Variants in GNAL observed in about 807,000 individuals in gnomAD.
GNAL encodes the protein G protein subunit alpha L.
GNAL carries 18 observed loss-of-function variants against 55.1 expected under a neutral mutation model. The ratio of observed to expected loss-of-function variants is 0.33; its 90% CI spans 0.23 to 0.48. The LOEUF is 0.48. Ranked by LOEUF, GNAL falls within the 20% of genes least tolerant of loss-of-function variation. The probability of loss-of-function intolerance (pLI) is 0.99; values close to 1 mark genes in which losing one functional copy is unlikely to be tolerated. For synonymous variants in GNAL, 253 were observed against 237.0 expected, an observed-to-expected ratio of 1.07 and a Z score of -0.62; for missense variants, 412 against 614.1, an observed-to-expected ratio of 0.67 and a Z score of 3.48.
rs2033096502 is a variant in GNAL at position 11,757,454 on chromosome 18, GACTAGTCT to G, written c.624+3511_624+3518del. On this transcript the variant is annotated intron_variant, in intron 4 of 11. Transcript: ENST00000334049. ...GTTGAAGGAGGGCAACCACTTCGGA[GACTAGTCT>G]AATAATACAGTGGAAAGGTAATGGG... Among the ~76,000 whole-genome samples, 4 of 152,190 alleles carry G rather than the reference GACTAGTCT, an allele frequency of 2.6e-5. No individual in the cohort carries two copies. The South Asian group carries it at 8.3e-4, about 31-fold the overall frequency.
chr18:11,838,554 C>A (rs2035546187), intron 5 of GNAL, among the ~76,000 whole-genome samples: 1 of 152,132 alleles, frequency 6.6e-6, no homozygotes, highest in Non-Finnish European at 1.5e-5. Context: ...TTGCAACTGG[C>A]TTGTGAGAGC....
chr18:11,729,799 A>G (rs1447016651), intron 1 of GNAL, among the ~76,000 whole-genome samples: 1 of 152,178 alleles, frequency 6.6e-6, no homozygotes, highest in East Asian at 1.9e-4. Context: ...CAGAAAACAC[A>G]AACCCAGGAA....
At chr18:11,834,640 C>G (rs1369419092) in intron 5 of GNAL, among the ~76,000 whole-genome samples, 1 of 152,096 alleles carries the variant, frequency 6.6e-6, no homozygotes, top group African/African-American at 2.4e-5. Context: ...ATTGCTGGAG[C>G]CTTGGAGTTT....
intron 4 of GNAL, among the ~76,000 whole-genome samples, chr18:11,821,809 G>T (rs1445867421): frequency 6.6e-6 from 1 of 152,170 alleles, no homozygotes; most frequent in East Asian, 1.9e-4. Context: ...CCCAGTAAAT[G>T]CTTCAGAGCT....
intron 10 of GNAL, chr18:11,874,169 G>C (rs1282365532): frequency 7.9e-5 from 12 of 152,290 alleles, no homozygotes. Context: ...TCGGTGCCAG[G>C]CCCAGTGACT....
At position 11,766,388 on chromosome 18, in the gene GNAL, A is replaced by G. The variant is rs1419343458; in HGVS notation, c.624+12443A>G. On this transcript the variant is annotated intron_variant, in intron 4 of 11. Coordinates refer to ENST00000334049, the MANE Select transcript of GNAL (RefSeq NM_182978.4). ...AATTCCATTTTTAATTTGTGTTTGT[A>G]TTTGTTTGGATAGGAAATATTTGTG... Among the ~76,000 whole-genome samples the G allele has an allele frequency of 3.3e-5, 5 of 152,256 alleles. No individual in the cohort carries two copies. The East Asian group carries it at 9.6e-4, about 29-fold the overall frequency.
In GNAL at chr18:11,857,979, C is replaced by CA. The variant is rs546217472; in HGVS notation, c.723-4410dup. The stretch of plus-strand genomic sequence containing the variant: ...TCCAATTGCTATATGTTTTCACACA[C>CA]AAAAAATTTTAAATACATGGAAATT... On this transcript the variant is annotated intron_variant, in intron 5 of 11. Coordinates refer to ENST00000334049, the MANE Select transcript of GNAL (RefSeq NM_182978.4). Among the ~76,000 whole-genome samples, 10 of 152,280 alleles carry CA rather than the reference C, an allele frequency of 6.6e-5. 1 individual carries two copies. The South Asian group carries it at 2.1e-3, about 32-fold the overall frequency.
chr18:11,799,456 A>C (rs1208399859), intron 4 of GNAL, among the ~76,000 whole-genome samples: 3 of 152,230 alleles, frequency 2.0e-5, no homozygotes, highest in Non-Finnish European at 2.9e-5. Context: ...ACAGGGGTAT[A>C]ATAGGGTCAC....
chr18:11,689,308 A>G lies in GNAL; in HGVS notation c.-256A>G, dbSNP rs984382417. Reference sequence around the variant, plus strand: ...GGCGTTAGCAAGTGATCTCCAGCCAAGGCGGCCGCCACCCCTTGCACACAG... The same window carrying G: ...GGCGTTAGCAAGTGATCTCCAGCCAGGGCGGCCGCCACCCCTTGCACACAG... On this transcript the variant is annotated 5_prime_UTR_variant, in exon 1 of 12. Coordinates refer to ENST00000334049, the MANE Select transcript of GNAL (RefSeq NM_182978.4). The G allele has an allele frequency of 6.8e-5, 21 of 310,756 alleles. No homozygotes were observed. Among genetic ancestry groups the G allele is most frequent in the Non-Finnish European group, 1.1e-4 (19 of 169,786 alleles). The allele number at this position is 310,756 out of a possible 1,614,324, so 19.2% of individuals were successfully genotyped here. A position where few individuals can be genotyped will look rare whatever the true frequency, so the allele number is the denominator to read the frequency against.
intron 10 of GNAL, 141 bp from the exon 11 acceptor site, chr18:11,876,480 T>C (rs2036535542): frequency 1.6e-5 from 10 of 640,080 alleles, no homozygotes; most frequent in South Asian, 9.3e-5. Flanking sequence ...AAAAAGTACA[T>C]GTTTGTTTTT....
At chr18:11,792,090 A>C (rs2034253886) in intron 4 of GNAL, among the ~76,000 whole-genome samples, 1 of 152,004 alleles carries the variant, frequency 6.6e-6, no homozygotes, top group South Asian at 2.1e-4. Context: ...CTTTTTGGCC[A>C]CTTCCTGTGG....
rs2031509788 is a variant in GNAL at position 11,699,564 on chromosome 18, G to T, written c.376+9625G>T. 2.0e-5 allele frequency among the ~76,000 whole-genome samples: 3 copies of T among 151,662 alleles called. No homozygotes were observed. In the South Asian group the frequency reaches 6.3e-4, roughly 32 times the overall value. ...TTGTTGGGTTTTTTTTTTGAGGGGG[G>T]GGGTTGGCTTTAAGCTGAAACCAAC... On this transcript the variant is annotated intron_variant, in intron 1 of 11. Coordinates refer to ENST00000334049, the MANE Select transcript of GNAL (RefSeq NM_182978.4).
chr18:11,861,247 C>G (rs920341168), intron 5 of GNAL, among the ~76,000 whole-genome samples: 5 of 152,170 alleles, frequency 3.3e-5, no homozygotes, highest in African/African-American at 4.8e-5. Context: ...CCCCCCGACC[C>G]CTCCCTCCTG....
intron 5 of GNAL, among the ~76,000 whole-genome samples, chr18:11,838,149 C>T (rs1197715107): frequency 2.0e-5 from 3 of 152,084 alleles, no homozygotes; most frequent in Admixed American, 6.6e-5. Context: ...GCGTTAACGA[C>T]CCAAATGCCC....
intron 9 of GNAL, among the ~76,000 whole-genome samples, 190 bp from the exon 10 acceptor site, chr18:11,872,078 C>T (rs563135825): frequency 3.3e-5 from 5 of 152,304 alleles, no homozygotes; most frequent in African/African-American, 1.2e-4. Context: ...ATTAGGGATG[C>T]TCAACCTGTA....
chr18:11,883,510 G>A lies in GNAL; in HGVS notation c.*2375G>A, dbSNP rs1366299607. The A allele has an allele frequency of 6.5e-6, 1 of 153,484 alleles. No individual in the cohort carries two copies. The highest frequency in any genetic ancestry group is 6.6e-5 in the Admixed American group (1 of 15,264). 9.5% of individuals were successfully genotyped at this position (153,484 alleles called of 1,614,324 possible). On this transcript the variant is annotated 3_prime_UTR_variant, in exon 12 of 12. Coordinates refer to ENST00000334049, the MANE Select transcript of GNAL (RefSeq NM_182978.4). ...CAATTATTAAAGCATTTATTTTCAG[G>A]TACCAAAAGCCATATCCCATTCCAC... is the stretch of plus-strand genomic sequence containing the variant.
intron 1 of GNAL, among the ~76,000 whole-genome samples, chr18:11,721,653 G>A (rs1462686784): frequency 2.0e-5 from 3 of 152,072 alleles, no homozygotes; most frequent in African/African-American, 7.2e-5. Flanking sequence ...CTACTCTGGA[G>A]GCTGAGACAG....
chr18:11,737,982 C>T (rs991203569), intron 1 of GNAL, among the ~76,000 whole-genome samples: 2 of 152,284 alleles, frequency 1.3e-5, no homozygotes, highest in African/African-American at 2.4e-5. Flanking sequence ...CCCCCTGGGC[C>T]GGAGAGGGTG....
chr18:11,768,946 T>A (rs1240675436), intron 4 of GNAL, among the ~76,000 whole-genome samples: 2 of 125,412 alleles, frequency 1.6e-5, no homozygotes, highest in Non-Finnish European at 3.2e-5. Context: ...TTATATATAT[T>A]ACTATATGTT....
Sources: allele counts gnomAD v4.1 joint callset (sites outside exome capture counted in the v4.1 genomes callset), GRCh38; gene constraint gnomAD v4.1.1; transcripts MANE v1.5; gene names NCBI Gene and HGNC (gene_info 2026-07-23, HGNC 2026-07-21).